The following PID1 variants were observed in gnomAD, a reference collection of about 807,000 sequenced individuals.
The protein encoded by PID1 is phosphotyrosine interaction domain containing 1.
In PID1, 10 loss-of-function variants were observed where a neutral mutation model predicts 19.1. That is an observed-to-expected ratio of 0.52 (90% CI 0.32 to 0.89). The LOEUF (loss-of-function observed/expected upper bound fraction) is 0.89, where lower values mean the gene tolerates loss of function less well. Among genes scored for constraint, PID1 ranks in the 40% least tolerant of loss-of-function variants. The pLI is 0.03. For missense variants in PID1, 248 were observed against 285.3 expected (o/e 0.87, Z 0.94); for synonymous variants, 130 against 116.0 (o/e 1.12, Z -0.78).
chr2:229,072,024 C>A (rs182790981), intron 2 of PID1, among the ~76,000 whole-genome samples: 34 of 152,184 alleles, frequency 2.2e-4, no homozygotes, highest in African/African-American at 7.9e-4. Context: ...TTTGAGTACT[C>A]ATGGGATCAT....
At chr2:229,118,598 G>A (rs568476591) in intron 2 of PID1, among the ~76,000 whole-genome samples, 1 of 152,176 alleles carries the variant, frequency 6.6e-6, no homozygotes, top group East Asian at 1.9e-4. Flanking sequence ...AAGAGCAAAG[G>A]GAATGATGAA....
chr2:229,044,940 A>C (rs978407843), intron 2 of PID1, among the ~76,000 whole-genome samples: 7 of 152,196 alleles, frequency 4.6e-5, no homozygotes, highest in African/African-American at 1.4e-4. Flanking sequence ...TACAATTTTT[A>C]AATATTTTAA....
intron 2 of PID1, among the ~76,000 whole-genome samples, chr2:229,058,971 C>T (rs1694158154): frequency 6.6e-6 from 1 of 152,100 alleles, no homozygotes; most frequent in Non-Finnish European, 1.5e-5. Context: ...AGGGGAAGAA[C>T]ACTAATGTGT....
chr2:229,176,495 C>T (rs1476248697), intron 1 of PID1, among the ~76,000 whole-genome samples: 1 of 152,206 alleles, frequency 6.6e-6, no homozygotes, highest in African/African-American at 2.4e-5. Context: ...TTTGAAAACC[C>T]TAGTCAATGC....
At chr2:229,221,942 A>G (rs1214939418) in intron 1 of PID1, among the ~76,000 whole-genome samples, 1 of 151,724 alleles carries the variant, frequency 6.6e-6, no homozygotes, top group Non-Finnish European at 1.5e-5. Flanking sequence ...CTGTCAAGCA[A>G]CTCCACTCCT....
intron 2 of PID1, among the ~76,000 whole-genome samples, chr2:229,047,421 C>T (rs1693905604): frequency 6.6e-6 from 1 of 152,118 alleles, no homozygotes; most frequent in South Asian, 2.1e-4. Flanking sequence ...ACATAATCCA[C>T]TGGAAGCCAA....
intron 2 of PID1, among the ~76,000 whole-genome samples, chr2:229,155,565 T>G (rs1198539200): frequency 4.8e-5 from 7 of 144,696 alleles, no homozygotes; most frequent in Admixed American, 4.3e-4. Flanking sequence ...AGAGCGAGAC[T>G]CCGTCTCAAA....
chr2:229,122,948 T>C (rs1265138958), intron 2 of PID1, among the ~76,000 whole-genome samples: 1 of 152,198 alleles, frequency 6.6e-6, no homozygotes, highest in Admixed American at 6.6e-5. Context: ...GGCGGCATTA[T>C]GTTTCGGTAC....
At chr2:229,161,500 T>C (rs956976550) in intron 1 of PID1, among the ~76,000 whole-genome samples, 1 of 152,114 alleles carries the variant, frequency 6.6e-6, no homozygotes, top group Admixed American at 6.5e-5. Flanking sequence ...AAAAATCACC[T>C]GTGAAAATAA....
chr2:229,024,110 T>C lies in PID1; in HGVS notation c.*1522A>G, dbSNP rs1310526214. 2.0e-5 allele frequency: 3 copies of C among 152,666 alleles called. No homozygotes were observed. Among genetic ancestry groups the C allele is most frequent in the African/African-American group, 7.2e-5 (3 of 41,460 alleles). The allele number at this position is 152,666 out of a possible 1,614,324, so 9.5% of individuals were successfully genotyped here. On this transcript the variant is annotated 3_prime_UTR_variant, in exon 3 of 3. Transcript: ENST00000392055. ...GTGAGTCCTCCTCAATATGACTCCA[T>C]GCTTATTCTACATGCCTGAAAACTG...
At chr2:229,262,841 C>T in intron 1 of PID1, 1 of 1,549,172 alleles carries the variant, frequency 6.5e-7, no homozygotes, top group Non-Finnish European at 8.7e-7. Context: ...CGGTTTCTGC[C>T]TTGATCTTCA....
chr2:229,262,786 T>G (rs1475293280), intron 1 of PID1: 52 of 1,551,588 alleles, frequency 3.4e-5, no homozygotes, highest in Non-Finnish European at 4.4e-5. Flanking sequence ...CATCAGGTGG[T>G]TGCCAGCAAT....
chr2:229,140,808 AAAAT>A (rs1361062801), intron 2 of PID1, among the ~76,000 whole-genome samples: 1 of 152,078 alleles, frequency 6.6e-6, no homozygotes, highest in Non-Finnish European at 1.5e-5. Flanking sequence ...CCTATCTCTA[AAAAT>A]ATATATTTAA....
At position 229,028,835 on chromosome 2, in the gene PID1, CCAAA is replaced by C. The variant is rs561267348; in HGVS notation, c.178-2731_178-2728del. 5.3e-4 allele frequency among the ~76,000 whole-genome samples: 81 copies of C among 152,250 alleles called. No homozygotes were observed. In the South Asian group the frequency reaches 0.016, roughly 30 times the overall value. Reference sequence around the variant, plus strand: ...TAATGAGCGTATTATGAGCTGTTGCCCAAACAATTTCATACGAAGTTACCCTAGC... The same window carrying C: ...TAATGAGCGTATTATGAGCTGTTGCCCAATTTCATACGAAGTTACCCTAGC... On this transcript the variant is annotated intron_variant, in intron 2 of 2. Transcript: ENST00000392055.
chr2:229,025,534 T>C lies in PID1; in HGVS notation c.*98A>G. The C allele has an allele frequency of 1.2e-6, 1 of 849,082 alleles. No individual in the cohort carries two copies. Among genetic ancestry groups the C allele is most frequent in the East Asian group, 2.4e-5 (1 of 40,920 alleles). 52.6% of individuals were successfully genotyped at this position (849,082 alleles called of 1,614,324 possible). On this transcript the variant is annotated 3_prime_UTR_variant, in exon 3 of 3. Transcript: ENST00000392055. ...TAAAAACCTTGGTCAGCCAATAGTTTGGCAGTCTTTTCATCCCAAATTTGA... is the reference window on the plus strand; with the variant it reads ...TAAAAACCTTGGTCAGCCAATAGTTCGGCAGTCTTTTCATCCCAAATTTGA...
chr2:229,047,904 T>C (rs1325630769), intron 2 of PID1, among the ~76,000 whole-genome samples: 2 of 152,194 alleles, frequency 1.3e-5, no homozygotes, highest in Non-Finnish European at 2.9e-5. Context: ...TACATCTTGG[T>C]GTAAGATCTC....
chr2:229,105,940 G>A (rs1356224409), intron 2 of PID1, among the ~76,000 whole-genome samples: 2 of 152,012 alleles, frequency 1.3e-5, no homozygotes, highest in Non-Finnish European at 2.9e-5. Context: ...TTAGCCAGAT[G>A]TGGTGGCGCG....
intron 2 of PID1, among the ~76,000 whole-genome samples, chr2:229,101,280 T>C (rs1380105041): frequency 2.0e-5 from 3 of 152,190 alleles, no homozygotes; most frequent in Admixed American, 6.5e-5. Flanking sequence ...GTTTGTTACA[T>C]AGGTAAACGT....
chr2:229,084,841 T>C (rs1329181382), intron 2 of PID1, among the ~76,000 whole-genome samples: 1 of 136,936 alleles, frequency 7.3e-6, no homozygotes, highest in Non-Finnish European at 1.7e-5. Flanking sequence ...CATTTCTCTT[T>C]ACTGCTTTAA....
Sources: gnomAD v4.1 joint callset for allele counts (sites outside exome capture counted in the v4.1 genomes callset) on GRCh38, gnomAD v4.1.1 for gene constraint, MANE v1.5 for transcripts, NCBI Gene and HGNC (gene_info 2026-07-23, HGNC 2026-07-21) for gene names.